Variants in TPTE2 observed in about 807,000 individuals in gnomAD.
The protein encoded by TPTE2 is transmembrane phosphoinositide 3-phosphatase and tensin homolog 2.
Under a neutral mutation model 78.6 loss-of-function variants are expected in TPTE2, and 53 were observed. The observed-to-expected ratio is 0.67, with a 90% confidence interval of 0.54 to 0.85. The LOEUF (loss-of-function observed/expected upper bound fraction) is 0.85, where lower values mean the gene tolerates loss of function less well. Among genes scored for constraint, TPTE2 ranks in the 40% least tolerant of loss-of-function variants. The probability of loss-of-function intolerance (pLI) is 0.00; values close to 1 mark genes in which losing one functional copy is unlikely to be tolerated. For synonymous variants in TPTE2, 175 were observed against 206.2 expected (o/e 0.85, Z 1.30); for missense variants, 461 against 623.0 (o/e 0.74, Z 2.77).
At chr13:19,552,029 C>T in the TPTE2 span, among the ~76,000 whole-genome samples, 1 of 152,122 alleles carries the variant, frequency 6.6e-6, no homozygotes, top group Non-Finnish European at 1.5e-5. Flanking sequence ...CCAAAAACTA[C>T]CCAGTGAAGT....
At chr13:19,513,076 T>A (rs1286793354) in intron 1 of TPTE2, among the ~76,000 whole-genome samples, 9 of 152,282 alleles carry the variant, frequency 5.9e-5, no homozygotes, top group South Asian at 2.1e-4. Context: ...ATAAAAAAAA[T>A]TTTGGTGACT....
upstream of TPTE2, among the ~76,000 whole-genome samples, chr13:19,539,474 C>T (rs1871377204): frequency 6.6e-6 from 1 of 152,166 alleles, no homozygotes; most frequent in South Asian, 2.1e-4. Flanking sequence ...CCTTCGCTTT[C>T]TGATTGTGAG....
intron 13 of TPTE2, among the ~76,000 whole-genome samples, chr13:19,440,838 G>C (rs1285079985): frequency 6.6e-6 from 1 of 152,070 alleles, no homozygotes; most frequent in African/African-American, 2.4e-5. Flanking sequence ...TGTAATCCCA[G>C]CACTTTGGGA....
intron 13 of TPTE2, among the ~76,000 whole-genome samples, chr13:19,449,590 A>G (rs1418110536): frequency 6.6e-6 from 1 of 152,236 alleles, no homozygotes; most frequent in African/African-American, 2.4e-5. Context: ...ACACAAAAAT[A>G]TGTGGAGTAA....
intron 1 of TPTE2, among the ~76,000 whole-genome samples, chr13:19,514,844 T>TC (rs1176810060): frequency 6.3e-4 from 96 of 152,160 alleles, no homozygotes; most frequent in African/African-American, 2.3e-3. Context: ...TTGTCTGGAT[T>TC]CATTTTTTTA....
rs557867200 is a variant in TPTE2 at position 19,511,858 on chromosome 13, T to A, written c.-43-8581A>T. Among the ~76,000 whole-genome samples the A allele has an allele frequency of 5.2e-3, 764 of 147,740 alleles. 9 individuals are homozygous for A. Among genetic ancestry groups the A allele is most frequent in the African/African-American group, 0.016 (652 of 39,668 alleles). On this transcript the variant is annotated intron_variant, in intron 1 of 17. Coordinates refer to the TPTE2 transcript ENST00000390680. ...ATTAAACACAGAAAAACCACTTTTTTTAAAAAAAAAATCACCATTTTGTAA... is the reference window on the plus strand; with the variant it reads ...ATTAAACACAGAAAAACCACTTTTTATAAAAAAAAAATCACCATTTTGTAA...
chr13:19,509,527 A>C (rs1321951567), intron 1 of TPTE2, among the ~76,000 whole-genome samples: 1 of 152,212 alleles, frequency 6.6e-6, no homozygotes, highest in Non-Finnish European at 1.5e-5. Flanking sequence ...AAAAATTCCT[A>C]GACAAATATA....
chr13:19,472,742 G>A (rs541398308), intron 6 of TPTE2, among the ~76,000 whole-genome samples: 14 of 152,276 alleles, frequency 9.2e-5, no homozygotes, highest in African/African-American at 2.9e-4. Context: ...TGGTGTCTAG[G>A]CATTGAAGAG....
At chr13:19,490,995 A>G (rs1426893505) in intron 3 of TPTE2, among the ~76,000 whole-genome samples, 1 of 152,214 alleles carries the variant, frequency 6.6e-6, no homozygotes, top group Non-Finnish European at 1.5e-5. Flanking sequence ...CTTAAGACCT[A>G]TTCCTCTTTT....
chr13:19,451,188 TG>T lies in TPTE2; in HGVS notation c.778del (p.His260ThrfsTer26). ...ACTGCATAGATTGTAGACTCGATAG[TG>T]GTTTCGATGTTTCTTATCTAGAAAC... On this transcript the variant is annotated frameshift_variant, in exon 11 of 20. Coordinates refer to ENST00000400230, the Ensembl canonical transcript of TPTE2. LOFTEE classifies it high-confidence loss of function. 3 of 1,613,530 alleles carry T rather than the reference TG, an allele frequency of 1.9e-6. No homozygotes were observed. Among genetic ancestry groups the T allele is most frequent in the Non-Finnish European group, 2.5e-6 (3 of 1,179,616 alleles).
At chr13:19,547,720 C>CATAT in the TPTE2 span, among the ~76,000 whole-genome samples, 5,428 of 118,832 alleles carry the variant, frequency 0.046, 423 homozygotes, top group African/African-American at 0.14. Context: ...AATAAATATA[C>CATAT]ATATATATAT....
chr13:19,530,364 G>A (rs1216447972), intron 1 of TPTE2, among the ~76,000 whole-genome samples: 5 of 152,106 alleles, frequency 3.3e-5, no homozygotes, highest in Non-Finnish European at 5.9e-5. Context: ...ATGGGGTGCC[G>A]AAAACCGAGC....
At chr13:19,445,785 T>C (rs938909471) in intron 13 of TPTE2, among the ~76,000 whole-genome samples, 5 of 152,214 alleles carry the variant, frequency 3.3e-5, no homozygotes, top group African/African-American at 1.2e-4. Flanking sequence ...CTACTAAAAA[T>C]ACAAAAGTAG....
At chr13:19,439,144 C>T (rs1386800593) in intron 13 of TPTE2, among the ~76,000 whole-genome samples, 1 of 152,152 alleles carries the variant, frequency 6.6e-6, no homozygotes, top group Admixed American at 6.5e-5. Context: ...ACCCCTAGGG[C>T]TGAGGGAGCT....
At position 19,450,258 on chromosome 13, in the gene TPTE2, C is replaced by T. The variant is rs745513211; in HGVS notation, c.884+5G>A. On this transcript the variant is annotated splice_donor_5th_base_variant and intron_variant, in intron 12 of 19. Transcript: ENST00000400230. ...TTCTGATAGTCAATTTAGCATAAAA[C>T]TTACTGTAGAGTGGGGACATTATGA... is the stretch of plus-strand genomic sequence containing the variant. The T allele has an allele frequency of 3.7e-6, 6 of 1,611,194 alleles. No homozygotes were observed. The South Asian group carries it at 4.4e-5, about 12-fold the overall frequency.
intron 10 of TPTE2, chr13:19,458,660 GT>G (rs889522553): frequency 1.2e-4 from 60 of 496,226 alleles, no homozygotes; most frequent in African/African-American, 9.7e-4. Context: ...CTTTTCCACG[GT>G]GTGGCACTGG....
the TPTE2 span, among the ~76,000 whole-genome samples, chr13:19,545,023 T>C: frequency 1.3e-5 from 2 of 151,132 alleles, no homozygotes; most frequent in South Asian, 2.1e-4. Context: ...GAATCCATGC[T>C]TAAATCTCTG....
At chr13:19,528,872 C>T (rs560194361) in intron 1 of TPTE2, among the ~76,000 whole-genome samples, 145 of 152,244 alleles carry the variant, frequency 9.5e-4, no homozygotes, top group Non-Finnish European at 2.9e-5. Context: ...GTAATCCCAG[C>T]ACTTTGGGAG....
intron 13 of TPTE2, among the ~76,000 whole-genome samples, chr13:19,442,054 CAGTAGGAAAATAGAAGAGTTAAATAA>C (rs1176244612): frequency 6.6e-6 from 1 of 151,886 alleles, no homozygotes; most frequent in Non-Finnish European, 1.5e-5. Context: ...AACAGAATGT[CAGTAGGAAAATAGAAGAGTTAAATAA>C]AATAGATGTA....
Sources: allele counts gnomAD v4.1 joint callset (sites outside exome capture counted in the v4.1 genomes callset), GRCh38; gene constraint gnomAD v4.1.1; transcripts MANE v1.5; gene names NCBI Gene and HGNC (gene_info 2026-07-23, HGNC 2026-07-21).